Variants in TTK observed in about 807,000 individuals in gnomAD.
TTK encodes TTK protein kinase.
Under a neutral mutation model 117.3 loss-of-function variants are expected in TTK, and 59 were observed. The ratio of observed to expected loss-of-function variants is 0.50; its 90% confidence interval spans 0.41 to 0.62. TTK has a LOEUF of 0.62. TTK is among the 20% of genes least tolerant of loss of function. TTK has a pLI of 0.00. For missense variants in TTK, 921 were observed against 989.4 expected, an observed-to-expected ratio of 0.93 and a Z score of 0.93; for synonymous variants, 302 against 325.0, an observed-to-expected ratio of 0.93 and a Z score of 0.76.
intron 4 of TTK, among the ~76,000 whole-genome samples, chr6:80,009,110 C>G (rs1160423555): frequency 6.6e-6 from 1 of 151,978 alleles, no homozygotes; most frequent in African/African-American, 2.4e-5. Context: ...CTGGCCATTC[C>G]TTAGTCTTTT....
At chr6:80,008,052 T>A (rs755427987) in intron 3 of TTK, 21 bp downstream of exon 3, 1 of 1,604,910 alleles carries the variant, frequency 6.2e-7, no homozygotes, top group South Asian at 1.1e-5. Context: ...GCATTTTAAC[T>A]ATGTTCAACT....
intron 5 of TTK, among the ~76,000 whole-genome samples, chr6:80,011,188 ATT>A (rs201264231): frequency 3.4e-5 from 5 of 145,210 alleles, no homozygotes; most frequent in South Asian, 2.2e-4. Context: ...AAGCAAGAGA[ATT>A]TTTTTTTTTT....
In TTK at chr6:80,021,687, T is replaced by C. The variant is rs1476475423; in HGVS notation, c.1109-637T>C. 2.0e-5 allele frequency among the ~76,000 whole-genome samples: 3 copies of C among 152,270 alleles called. No homozygotes were observed. In the South Asian group the frequency reaches 6.2e-4, roughly 32 times the overall value. Reference sequence around the variant, plus strand: ...TTGTTGTGATAGTTATATTGAGTAATTGCCCATCTGGAGGTATGGTTTGTG... The same window carrying C: ...TTGTTGTGATAGTTATATTGAGTAACTGCCCATCTGGAGGTATGGTTTGTG... On this transcript the variant is annotated intron_variant, in intron 10 of 21. Coordinates refer to ENST00000369798, the MANE Select transcript of TTK (RefSeq NM_003318.5).
intron 4 of TTK, among the ~76,000 whole-genome samples, chr6:80,010,547 G>A (rs934398389): frequency 2.0e-5 from 3 of 151,146 alleles, no homozygotes; most frequent in African/African-American, 7.3e-5. Context: ...GTGGACAGTG[G>A]TGATAAACTA....
rs1245281728 is a variant in TTK, at chr6:80,011,949, G to T, written c.865G>T (p.Asp289Tyr). Residue 289 changes from aspartate (D) to tyrosine (Y), a missense_variant, in exon 8 of 22, where the codon GAT (aspartate) becomes TAT (tyrosine). By Grantham distance (160) the Asp-to-Tyr change is radical (BLOSUM62 -3). Coordinates refer to ENST00000369798, the MANE Select transcript of TTK (RefSeq NM_003318.5). Reference protein sequence around the residue: ...LNSPDCDVKTDDSVVPCFMKR... With the variant: ...LNSPDCDVKTYDSVVPCFMKR... ...TAGCCCAGATTGTGATGTGAAGACA[G>T]ATGATTCAGTTGTACCTTGTTTTAT... 6.2e-7 allele frequency: 1 copy of T among 1,611,788 alleles called. No individual in the cohort carries two copies. The highest frequency in any genetic ancestry group is 1.1e-5 in the South Asian group (1 of 90,780).
chr6:80,040,045 G>A lies in TTK; in HGVS notation c.2308-151G>A, dbSNP rs1309937652. The A allele has an allele frequency of 4.3e-6, 4 of 932,584 alleles. No homozygotes were observed. The East Asian group carries it at 1.2e-4, about 28-fold the overall frequency. The allele number at this position is 932,584 out of a possible 1,614,324, so 57.8% of individuals were successfully genotyped here. On this transcript the variant is annotated intron_variant, in intron 19 of 21. Transcript: ENST00000369798. ...GTAAATACTTGGGGATTTTGCAAAA[G>A]TGCCTTGGGAGAAATAATCTTGTCA...
chr6:80,012,942 C>T (rs1767200267), intron 8 of TTK, among the ~76,000 whole-genome samples: 1 of 151,970 alleles, frequency 6.6e-6, no homozygotes, highest in African/African-American at 2.4e-5. Flanking sequence ...AGTGCTATAC[C>T]CTGGTTCTTA....
chr6:80,039,630 T>G, intron 18 of TTK, 66 bp from the exon 19 acceptor site: 1 of 1,211,372 alleles, frequency 8.3e-7, no homozygotes, highest in Non-Finnish European at 1.1e-6. Context: ...ATATTTAATA[T>G]ATATGTTTTT....
At chr6:80,024,035 GA>G (rs1275853682) in intron 11 of TTK, among the ~76,000 whole-genome samples, 1 of 152,100 alleles carries the variant, frequency 6.6e-6, no homozygotes, top group Non-Finnish European at 1.5e-5. Context: ...GATCATTAAA[GA>G]AATGCAAAGC....
chr6:80,011,726 T>G lies in TTK; in HGVS notation c.729-3T>G, dbSNP rs764940569. ...AAATTGGGGGTATTTTCTTTCTGTT[T>G]AGAGAGAACATGCCACCACAAGATG... On this transcript the variant is annotated splice_polypyrimidine_tract_variant and splice_region_variant and intron_variant, in intron 6 of 21. Transcript: ENST00000369798. 1.9e-6 allele frequency: 3 copies of G among 1,612,372 alleles called. No individual in the cohort carries two copies. Among genetic ancestry groups the G allele is most frequent in the Non-Finnish European group, 2.5e-6 (3 of 1,179,078 alleles).
rs1232774614 is a variant in TTK, at chr6:80,010,878, A to G, written c.534A>G (p.Glu178=). Residue 178 remains glutamate (E), a synonymous_variant, in exon 5 of 22, where the codon GAA becomes GAG. Coordinates refer to ENST00000369798, the MANE Select transcript of TTK (RefSeq NM_003318.5). The stretch of plus-strand genomic sequence containing the variant: ...TAGAACGTGGAGCAGTACCACTAGA[A>G]ATGCTGGAAATTGCCCTGCGGAATT... ...KAVERGAVPL[E]MLEIALRNLN... is the part of the protein sequence containing the mutation. The G allele has an allele frequency of 1.2e-6, 2 of 1,612,574 alleles. No individual in the cohort carries two copies. Among genetic ancestry groups the G allele is most frequent in the Non-Finnish European group, 1.7e-6 (2 of 1,178,858 alleles).
rs950799099 is a variant in TTK at position 80,013,733 on chromosome 6, TA to T, written c.984+376del. On this transcript the variant is annotated intron_variant, in intron 9 of 21. Transcript: ENST00000369798. ...ATCATATGATTTTGGTAAGACATCT[TA>T]AAAAAAAATGAGAGAGTAAATTGAG... 2.1e-4 allele frequency among the ~76,000 whole-genome samples: 31 copies of T among 151,056 alleles called. 1 individual carries two copies. The East Asian group carries it at 5.0e-3, about 25-fold the overall frequency.
chr6:80,014,411 A>G (rs1767248497), intron 9 of TTK, 52 bp from the exon 10 acceptor site: 4 of 1,520,094 alleles, frequency 2.6e-6, no homozygotes, highest in Non-Finnish European at 3.5e-6. Flanking sequence ...AGTAAGACAG[A>G]TTAGTAGTAC....
At chr6:80,037,585 CAA>C (rs1484782443) in intron 17 of TTK, 1 of 153,184 alleles carries the variant, frequency 6.5e-6, no homozygotes, top group Non-Finnish European at 1.4e-5. Flanking sequence ...TCAATGGCCT[CAA>C]AGTTTATGGC....
In TTK at chr6:80,035,336, A is replaced by G. The variant is rs762089919; in HGVS notation, c.1843A>G (p.Lys615Glu). 1.2e-5 allele frequency: 20 copies of G among 1,612,754 alleles called. No individual in the cohort carries two copies. Among genetic ancestry groups the G allele is most frequent in the Non-Finnish European group, 1.7e-5 (20 of 1,179,284 alleles). ...GNIDLNSWLK[K>E]KKSIDPWERK... Reference sequence around the variant, plus strand: ...TATTGATCTTAATAGTTGGCTTAAAAAGAAAAAATCCATTGATCCATGGGA... The same window carrying G: ...TATTGATCTTAATAGTTGGCTTAAAGAGAAAAAATCCATTGATCCATGGGA... The change falls in exon 16 of 22, where the codon AAG (lysine) becomes GAG (glutamate). Residue 615 changes from lysine to glutamate, a missense_variant. Transcript: ENST00000369798.
In TTK at chr6:80,026,451, G is replaced by A; in HGVS notation, c.1331G>A (p.Trp444Ter). The A allele has an allele frequency of 6.2e-7, 1 of 1,613,786 alleles. No homozygotes were observed. The highest frequency in any genetic ancestry group is 8.5e-7 in the Non-Finnish European group (1 of 1,179,862). The stretch of plus-strand genomic sequence containing the variant: ...TCACCACCAATATCAACATCTAAAT[G>A]GTTTGACCCAAAATCTATTTGTAAG... Reference protein sequence around the residue: ...KQSPPISTSKWFDPKSICKTP... With the variant: ...KQSPPISTSK Residue 444 changes from tryptophan to a stop codon, truncating the protein, a stop_gained, in exon 12 of 22, where the codon TGG (tryptophan) becomes TAG (stop). Transcript: ENST00000369798. LOFTEE classifies it high-confidence loss of function.
Position 80,005,897 on chromosome 6 carries a change from C to T in TTK, c.54C>T (p.Asn18=). ...AATTGACAATTGATTCCATAATGAA[C>T]AAAGTGAGAGACATTAAAAATAAGT... The part of the protein sequence containing the change: ...GRELTIDSIM[N]KVRDIKNKFK... The change falls in exon 2 of 22, where the codon AAC becomes AAT. Residue 18 remains asparagine, a synonymous_variant. Transcript: ENST00000369798. 1 of 1,612,164 alleles carries T rather than the reference C, an allele frequency of 6.2e-7. No individual in the cohort carries two copies. Among genetic ancestry groups the T allele is most frequent in the Non-Finnish European group, 8.5e-7 (1 of 1,179,466 alleles).
In TTK at chr6:80,011,493, AG is replaced by A. The variant is rs1358513765; in HGVS notation, c.675del (p.Asn226ThrfsTer28). On this transcript the variant is annotated frameshift_variant, in exon 6 of 22. Transcript: ENST00000369798. LOFTEE classifies it high-confidence loss of function. ...CGGTTCACTTGGGCATTTACAGAAT[AG>A]GAACAACAGTTGTGATTCCAGAGGA... ...FSGSLGHLQNRNNSCDSRGQT... is the reference protein window; with the variant it reads ...FSGSLGHLQNXNNSCDSRGQT... 1 of 1,610,146 alleles carries A rather than the reference AG, an allele frequency of 6.2e-7. No individual in the cohort carries two copies. The highest frequency in any genetic ancestry group is 1.3e-5 in the African/African-American group (1 of 74,748).
In TTK at chr6:80,036,593, T is replaced by G. The variant is rs372645109; in HGVS notation, c.2043T>G (p.Asp681Glu). ...MQPDTTSVVK[D>E]SQVGTVNYMP... ...CAGATACAACAAGTGTTGTTAAAGA[T>G]TCTCAGGTAAGACTTAATGTTGGTT... The change falls in exon 17 of 22, where the codon GAT (aspartate) becomes GAG (glutamate). Residue 681 changes from aspartate to glutamate, a missense_variant. By Grantham distance (45) the Asp-to-Glu change is conservative. Coordinates refer to ENST00000369798, the MANE Select transcript of TTK (RefSeq NM_003318.5). The G allele has an allele frequency of 5.5e-5, 89 of 1,608,006 alleles. No individual in the cohort carries two copies. Among genetic ancestry groups the G allele is most frequent in the Admixed American group, 3.2e-4 (19 of 59,014 alleles).
Sources: gnomAD v4.1 joint callset for allele counts (sites outside exome capture counted in the v4.1 genomes callset) on GRCh38, gnomAD v4.1.1 for gene constraint, MANE v1.5 for transcripts, NCBI Gene and HGNC (gene_info 2026-07-23, HGNC 2026-07-21) for gene names.